Variants in TFR2 observed in about 807,000 individuals in gnomAD.
TFR2 encodes the protein transferrin receptor protein 2.
TFR2 carries 64 observed loss-of-function variants against 91.9 expected under a neutral mutation model. That is an observed-to-expected ratio of 0.70 (90% CI 0.57 to 0.86). The LOEUF is 0.86. TFR2 is among the 40% of genes least tolerant of loss of function. The pLI is 0.00. For missense variants in TFR2, 950 were observed against 1,080.5 expected (o/e 0.88, Z 1.69); for synonymous variants, 454 against 459.6 (o/e 0.99, Z 0.15).
intron 17 of TFR2, chr7:100,626,409 T>C: frequency 1.8e-6 from 2 of 1,107,974 alleles, no homozygotes; most frequent in Middle Eastern, 4.0e-4. Flanking sequence ...TGGACCAGTG[T>C]GGACATGCTT....
chr7:100,640,651 C>T, intron 3 of TFR2, 35 bp downstream of exon 3: 1 of 1,603,912 alleles, frequency 6.2e-7, no homozygotes, highest in Non-Finnish European at 8.5e-7. Flanking sequence ...AGGGGAGGGA[C>T]ACTCGAGAAC....
intron 3 of TFR2, chr7:100,633,777 CG>C (rs1234133879): frequency 4.4e-6 from 3 of 680,886 alleles, no homozygotes; most frequent in Non-Finnish European, 6.5e-6. Flanking sequence ...GGACCAATCT[CG>C]GCTCTCTGCA....
At chr7:100,624,984 T>G (rs1365334958) in intron 17 of TFR2, among the ~76,000 whole-genome samples, 1 of 151,968 alleles carries the variant, frequency 6.6e-6, no homozygotes, top group Admixed American at 6.6e-5. Flanking sequence ...AATCCTGTAT[T>G]GCAGGCTCTG....
Position 100,626,790 on chromosome 7 carries a change from T to G in TFR2, c.2109A>C (p.Thr703=). The G allele has an allele frequency of 6.5e-7, 1 of 1,547,850 alleles. No homozygotes were observed. Among genetic ancestry groups the G allele is most frequent in the South Asian group, 1.2e-5 (1 of 84,030 alleles). The change falls in exon 17 of 18, where the codon ACA becomes ACC. Residue 703 remains threonine, a synonymous_variant. Coordinates refer to ENST00000223051, the MANE Select transcript of TFR2 (RefSeq NM_003227.4). ...GCATTATGCGCACGTTGTACATGCG[T>G]GTCAGTCGCTCGTCTCTCTCCTCCG... ...YSSEERDERL[T]RMYNVRIMRV... is the part of the protein sequence containing the mutation.
Position 100,627,761 on chromosome 7 carries a change from G to A in TFR2, c.1665C>T (p.Pro555=), listed in dbSNP as rs1803308839. Residue 555 remains proline (P), a synonymous_variant, in exon 14 of 18, where the codon CCC becomes CCT. Coordinates refer to ENST00000223051, the MANE Select transcript of TFR2 (RefSeq NM_003227.4). ...CAACTTACACCTCAGCATCCCAGCT[G>A]GGATTGGTGAACACCACCTGTTCAT... The part of the protein sequence containing the change: ...TLYEQVVFTN[P]SWDAEVIRPL... 2 of 1,613,926 alleles carry A rather than the reference G, an allele frequency of 1.2e-6. No individual in the cohort carries two copies. Among genetic ancestry groups the A allele is most frequent in the African/African-American group, 2.7e-5 (2 of 74,970 alleles).
chr7:100,623,799 T>C (rs1324946332), intron 17 of TFR2, among the ~76,000 whole-genome samples: 2 of 143,300 alleles, frequency 1.4e-5, no homozygotes, highest in African/African-American at 5.3e-5. Flanking sequence ...CCTGTAATCC[T>C]AGCACTTTGG....
At chr7:100,632,358 C>G (rs1803465324) in intron 6 of TFR2, among the ~76,000 whole-genome samples, 160 bp from the exon 7 acceptor site, 1 of 152,070 alleles carries the variant, frequency 6.6e-6, no homozygotes, top group Admixed American at 6.6e-5. Context: ...CTCAGCAGCT[C>G]CTAGGCAGCC....
Position 100,629,493 on chromosome 7 carries a change from C to G in TFR2, c.1271-121G>C. The stretch of plus-strand genomic sequence containing the variant: ...CGGCAACCCTAGCCCTGCAGTCCCT[C>G]CAGTCCCTAAAGAGGGCGCCCCTCC... On this transcript the variant is annotated intron_variant, in intron 9 of 17. Transcript: ENST00000223051. The G allele has an allele frequency of 7.6e-6, 12 of 1,570,934 alleles. No individual in the cohort carries two copies. In the South Asian group the frequency reaches 1.0e-4, roughly 13 times the overall value.
chr7:100,632,829 C>T (rs1442759578), intron 6 of TFR2, 172 bp downstream of exon 6: 3 of 1,115,542 alleles, frequency 2.7e-6, no homozygotes, highest in Non-Finnish European at 2.6e-6. Flanking sequence ...TCTTGGCCTC[C>T]TAAAGTGCTG....
chr7:100,620,460 C>A lies in TFR2; in HGVS notation c.*397G>T. 1 of 186,138 alleles carries A rather than the reference C, an allele frequency of 5.4e-6. No homozygotes were observed. Among genetic ancestry groups the A allele is most frequent in the Non-Finnish European group, 1.1e-5 (1 of 88,578 alleles). The allele number at this position is 186,138 out of a possible 1,614,324, so 11.5% of individuals were successfully genotyped here. On this transcript the variant is annotated 3_prime_UTR_variant, in exon 18 of 18. Transcript: ENST00000223051. Reference sequence around the variant, plus strand: ...GGTTTATTGATATTGAAACTCCACGCCCCTTTCACCACAGACCACCTGTTG... The same window carrying A: ...GGTTTATTGATATTGAAACTCCACGACCCTTTCACCACAGACCACCTGTTG...
At chr7:100,630,825 G>C in intron 9 of TFR2, 64 bp downstream of exon 9, 1 of 1,606,758 alleles carries the variant, frequency 6.2e-7, no homozygotes, top group East Asian at 2.2e-5. Context: ...TCTTGCCAGG[G>C]TGTATGGGCA....
In TFR2 at chr7:100,641,146, T is replaced by C; in HGVS notation, c.116A>G (p.Glu39Gly). The C allele has an allele frequency of 6.5e-7, 1 of 1,542,020 alleles. No individual in the cohort carries two copies. Among genetic ancestry groups the C allele is most frequent in the South Asian group, 1.2e-5 (1 of 81,374 alleles). ...TGTCTCCGCCCCCTCCTCCCCGTCTTCCTCTTCCTCCTCCAGGTGCCCTTT... is the reference window on the plus strand; with the variant it reads ...TGTCTCCGCCCCCTCCTCCCCGTCTCCCTCTTCCTCCTCCAGGTGCCCTTT... ...PRKGHLEEEE[E>G]DGEEGAETLA... Residue 39 changes from glutamate (E) to glycine (G), a missense_variant, in exon 2 of 18, where the codon GAA (glutamate) becomes GGA (glycine). By Grantham distance (98) the Glu-to-Gly change is moderately conservative. Coordinates refer to ENST00000223051, the MANE Select transcript of TFR2 (RefSeq NM_003227.4).
At chr7:100,639,202 C>A (rs535415474) in intron 3 of TFR2, among the ~76,000 whole-genome samples, 55 of 152,070 alleles carry the variant, frequency 3.6e-4, no homozygotes, top group Non-Finnish European at 5.3e-4. Context: ...CCTGTCTCTA[C>A]TAAAAAATAC....
chr7:100,640,617 A>G, intron 3 of TFR2, 69 bp downstream of exon 3: 1 of 1,554,464 alleles, frequency 6.4e-7, no homozygotes, highest in Admixed American at 1.7e-5. Flanking sequence ...GCCAGGAGGC[A>G]GGGAGGCCCA....
In TFR2 at chr7:100,633,573, G is replaced by A; in HGVS notation, c.474-17C>T. 6.3e-7 allele frequency: 1 copy of A among 1,593,312 alleles called. No individual in the cohort carries two copies. The highest frequency in any genetic ancestry group is 8.5e-7 in the Non-Finnish European group (1 of 1,174,930). ...CTGGTTTGCCTAAGCGGGGAGAGGT[G>A]GGGACTTTTCTGGGCGCCCGGAGGA... On this transcript the variant is annotated splice_polypyrimidine_tract_variant and intron_variant, in intron 3 of 17. Transcript: ENST00000223051.
chr7:100,622,720 G>A (rs1270401792), intron 17 of TFR2, among the ~76,000 whole-genome samples: 1 of 152,202 alleles, frequency 6.6e-6, no homozygotes, highest in Non-Finnish European at 1.5e-5. Flanking sequence ...ACTTTCAGAG[G>A]CTGAGGCGGG....
chr7:100,624,223 G>A (rs1803192888), intron 17 of TFR2, among the ~76,000 whole-genome samples: 1 of 152,064 alleles, frequency 6.6e-6, no homozygotes, highest in Admixed American at 6.6e-5. Flanking sequence ...CACATTTGGT[G>A]GTCCCCTCCC....
Position 100,633,099 on chromosome 7 carries a change from C to T in TFR2, c.751G>A (p.Gly251Arg), listed in dbSNP as rs1305811255. The T allele has an allele frequency of 1.9e-6, 3 of 1,613,448 alleles. No homozygotes were observed. The highest frequency in any genetic ancestry group is 2.5e-6 in the Non-Finnish European group (3 of 1,179,906). Residue 251 changes from glycine (G) to arginine (R), a missense_variant, in exon 6 of 18, where the codon GGG becomes AGG. Physicochemically the swap from Gly to Arg is moderately radical, Grantham distance 125. Transcript: ENST00000223051. ...AGGTCCTGCAGGTCTTCGGGCCGCCCGTAGTGGGCGTACACCAGCTCTCCC... is the reference window on the plus strand; with the variant it reads ...AGGTCCTGCAGGTCTTCGGGCCGCCTGTAGTGGGCGTACACCAGCTCTCCC... ...VTGELVYAHY[G>R]RPEDLQDLRA...
intron 3 of TFR2, among the ~76,000 whole-genome samples, chr7:100,635,941 A>T (rs1195386337): frequency 1.3e-5 from 2 of 152,022 alleles, no homozygotes; most frequent in Non-Finnish European, 2.9e-5. Flanking sequence ...TCCAGTCATA[A>T]TTATGTAGTC....
Sources: allele counts gnomAD v4.1 joint callset (sites outside exome capture counted in the v4.1 genomes callset), GRCh38; gene constraint gnomAD v4.1.1; transcripts MANE v1.5; gene names NCBI Gene and HGNC (gene_info 2026-07-23, HGNC 2026-07-21).